WASHC4: variants seen among roughly 807,000 people sequenced by gnomAD.
The protein encoded by WASHC4 is WASH complex subunit 4, also known as WASH complex subunit 7.
Under a neutral mutation model 166.6 loss-of-function variants are expected in WASHC4, and 86 were observed. That is an observed-to-expected ratio of 0.52 (90% CI 0.43 to 0.62). The LOEUF (loss-of-function observed/expected upper bound fraction) is 0.62. WASHC4 is among the 20% of genes least tolerant of loss of function. The probability of loss-of-function intolerance (pLI) is 0.00; values close to 1 mark genes in which losing one functional copy is unlikely to be tolerated. For missense variants in WASHC4, 1,262 were observed against 1,382.4 expected (o/e 0.91, Z 1.38); for synonymous variants, 446 against 451.6 (o/e 0.99, Z 0.16).
Position 105,144,435 on chromosome 12 carries a change from A to T in WASHC4, c.2159A>T (p.Asn720Ile). 6.2e-7 allele frequency: 1 copy of T among 1,612,546 alleles called. No individual in the cohort carries two copies. Among genetic ancestry groups the T allele is most frequent in the Non-Finnish European group, 8.5e-7 (1 of 1,179,356 alleles). ...TCTCTGAATCCAATTCGGTTTTTCA[A>T]TCGTTTCATTGACATTCGGGGTGAG... ...FFSLNPIRFF[N>I]RFIDIRAYVT... Residue 720 changes from asparagine (N) to isoleucine (I), a missense_variant, in exon 21 of 33, where the codon AAT becomes ATT. Physicochemically the swap from Asn to Ile is moderately radical, Grantham distance 149 (BLOSUM62 -3). Transcript: ENST00000332180.
intron 13 of WASHC4, among the ~76,000 whole-genome samples, chr12:105,133,114 C>T (rs1431217906): frequency 1.3e-5 from 2 of 152,114 alleles, no homozygotes; most frequent in African/African-American, 4.8e-5. Context: ...ATCCCTACTC[C>T]TTGTAAGGCC....
chr12:105,140,815 A>G, intron 16 of WASHC4, 84 bp from the exon 17 acceptor site: 1 of 1,329,090 alleles, frequency 7.5e-7, no homozygotes, highest in Non-Finnish European at 1.1e-6. Context: ...AAATTGAATC[A>G]TGGAAAAGAT....
At chr12:105,159,980 A>G in intron 28 of WASHC4, 21 bp from the exon 29 acceptor site, 1 of 1,612,500 alleles carries the variant, frequency 6.2e-7, no homozygotes, top group Non-Finnish European at 8.5e-7. Flanking sequence ...GAAAGGAACC[A>G]AATAATTTTT....
At chr12:105,125,299 C>A (rs1025955759) in intron 10 of WASHC4, among the ~76,000 whole-genome samples, 5 of 151,876 alleles carry the variant, frequency 3.3e-5, no homozygotes, top group Non-Finnish European at 2.9e-5. Flanking sequence ...AAAAAACTTG[C>A]AGACAAATGG....
Position 105,162,829 on chromosome 12 carries a change from T to G in WASHC4, c.3141T>G (p.Asp1047Glu). Residue 1047 changes from aspartate to glutamate, a missense_variant, in exon 30 of 33, where the codon GAT becomes GAG. Physicochemically the swap from Asp to Glu is conservative, Grantham distance 45. Coordinates refer to ENST00000332180, the MANE Select transcript of WASHC4 (RefSeq NM_015275.3). ...ATAAAATTGGAGCTGCCTTTACTGA[T>G]GATGGCTTTGCCATGGGTAAGCTTA... ...KKNKIGAAFT[D>E]DGFAMGVAYI... 6.3e-7 allele frequency: 1 copy of G among 1,586,444 alleles called. No homozygotes were observed. The highest frequency in any genetic ancestry group is 8.6e-7 in the Non-Finnish European group (1 of 1,157,788).
rs1330295546 is a variant in WASHC4 at position 105,168,322 on chromosome 12, C to T, written c.*1391C>T. ...TTTTTTGTTTATTATGTAAACATGG[C>T]TTACAGAATTATGAACAGTGGATAG... On this transcript the variant is annotated 3_prime_UTR_variant, in exon 33 of 33. Transcript: ENST00000332180. The T allele has an allele frequency of 6.6e-6, 1 of 152,400 alleles. No homozygotes were observed. Among genetic ancestry groups the T allele is most frequent in the African/African-American group, 2.4e-5 (1 of 41,406 alleles). 9.4% of individuals were successfully genotyped at this position (152,400 alleles called of 1,614,324 possible).
chr12:105,134,345 G>A (rs1203448525), intron 14 of WASHC4, among the ~76,000 whole-genome samples: 2 of 152,068 alleles, frequency 1.3e-5, no homozygotes, highest in African/African-American at 2.4e-5. Context: ...TGAAAAGAAT[G>A]TATAATTTGT....
chr12:105,152,818 G>C (rs1038687456), intron 26 of WASHC4, among the ~76,000 whole-genome samples: 6 of 152,040 alleles, frequency 3.9e-5, no homozygotes, highest in African/African-American at 1.2e-4. Flanking sequence ...TAAATGTGAA[G>C]GTATAAAATA....
At position 105,144,408 on chromosome 12, in the gene WASHC4, T is replaced by G; in HGVS notation, c.2132T>G (p.Phe711Cys). 6.2e-7 allele frequency: 1 copy of G among 1,613,588 alleles called. No individual in the cohort carries two copies. ...GGCATGAAAGACCTGGCTCTTTTTT[T>G]CTCTCTGAATCCAATTCGGTTTTTC... ...KVGMKDLALF[F>C]SLNPIRFFNR... is the part of the protein sequence containing the mutation. Residue 711 changes from phenylalanine to cysteine, a missense_variant, in exon 21 of 33, where the codon TTC (phenylalanine) becomes TGC (cysteine). Transcript: ENST00000332180.
chr12:105,139,425 G>GTGTGTGTGTGTGTATATATATATA lies in WASHC4; in HGVS notation c.1453-868_1453-867insGTGTGTGTGTGTATATATATATAT. ...AGACAGACTATATATATGTGTGTGT[G>GTGTGTGTGTGTGTATATATATATA]TATATATATATATATATATATATAT... On this transcript the variant is annotated intron_variant, in intron 15 of 32. Coordinates refer to ENST00000332180, the MANE Select transcript of WASHC4 (RefSeq NM_015275.3). Among the ~76,000 whole-genome samples, 314 of 103,126 alleles carry GTGTGTGTGTGTGTATATATATATA rather than the reference G, an allele frequency of 3.0e-3. 1 individual carries two copies. The highest frequency in any genetic ancestry group is 3.9e-3 in the Non-Finnish European group (200 of 50,678). 67.7% of individuals were successfully genotyped at this position (103,126 alleles called of 152,430 possible). A position where few individuals can be genotyped will look rare whatever the true frequency, so the allele number is the denominator to read the frequency against.
chr12:105,159,108 G>A (rs1884340540), intron 28 of WASHC4, among the ~76,000 whole-genome samples: 1 of 152,206 alleles, frequency 6.6e-6, no homozygotes, highest in Non-Finnish European at 1.5e-5. Flanking sequence ...CCTGAAAATG[G>A]TTTAAATAGT....
chr12:105,124,201 C>T (rs1881055930), intron 10 of WASHC4, among the ~76,000 whole-genome samples: 1 of 150,754 alleles, frequency 6.6e-6, no homozygotes, highest in Admixed American at 6.6e-5. Flanking sequence ...CTCACCACAA[C>T]CTCTGCCTCA....
chr12:105,121,930 G>C (rs555091708), intron 9 of WASHC4, among the ~76,000 whole-genome samples, 188 bp from the exon 10 acceptor site: 10 of 152,150 alleles, frequency 6.6e-5, no homozygotes, highest in Admixed American at 4.6e-4. Context: ...AGATTATGAG[G>C]CATTTTGATT....
chr12:105,148,740 A>G, intron 24 of WASHC4: 1 of 985,398 alleles, frequency 1.0e-6, no homozygotes, highest in African/African-American at 1.7e-5. Flanking sequence ...ATTTGTCAAA[A>G]TCATTAGTAA....
At chr12:105,111,884 C>G (rs924815444) in intron 2 of WASHC4, among the ~76,000 whole-genome samples, 3 of 152,026 alleles carry the variant, frequency 2.0e-5, no homozygotes, top group African/African-American at 7.2e-5. Context: ...TTTATAACAG[C>G]TTTCTTGAGA....
intron 27 of WASHC4, 61 bp downstream of exon 27, chr12:105,156,853 A>G: frequency 1.7e-6 from 2 of 1,185,276 alleles, no homozygotes; most frequent in Non-Finnish European, 2.5e-6. Flanking sequence ...TGTCCATTAA[A>G]TATATGTTAC....
In WASHC4 at chr12:105,115,845, C is replaced by T. The variant is rs1046168723; in HGVS notation, c.435+117C>T. 5.5e-6 allele frequency: 4 copies of T among 733,758 alleles called. No homozygotes were observed. The East Asian group carries it at 7.6e-5, about 14-fold the overall frequency. The allele number at this position is 733,758 out of a possible 1,614,324, so 45.5% of individuals were successfully genotyped here. Reference sequence around the variant, plus strand: ...AAAGATGTGTACTCTGAGGATAAGACACTTAATTAGCATTGGATTATAGTT... The same window carrying T: ...AAAGATGTGTACTCTGAGGATAAGATACTTAATTAGCATTGGATTATAGTT... On this transcript the variant is annotated intron_variant, in intron 6 of 32. Transcript: ENST00000332180.
At chr12:105,162,947 TTTTC>T in intron 30 of WASHC4, 102 bp downstream of exon 30, 1 of 659,126 alleles carries the variant, frequency 1.5e-6, no homozygotes, top group Non-Finnish European at 2.6e-6. Context: ...CTTTATAGAT[TTTTC>T]TTTCTTTTTT....
chr12:105,115,792 G>T (rs371392898), intron 6 of WASHC4, 64 bp downstream of exon 6: 191 of 1,028,458 alleles, frequency 1.9e-4, no homozygotes, highest in Non-Finnish European at 2.8e-4. Context: ...TACACAACAC[G>T]TAAAAAGTTC....
Sources: gnomAD v4.1 joint callset for allele counts (sites outside exome capture counted in the v4.1 genomes callset) on GRCh38, gnomAD v4.1.1 for gene constraint, MANE v1.5 for transcripts, NCBI Gene and HGNC (gene_info 2026-07-23, HGNC 2026-07-21) for gene names.